Variants in NLGN1 observed in about 807,000 individuals in gnomAD.
NLGN1 encodes the protein neuroligin 1, also known as neuroligin-1.
A neutral mutation model predicts 65.5 loss-of-function variants in NLGN1; 12 were observed. The observed-to-expected ratio is 0.18, with a 90% CI of 0.12 to 0.30. NLGN1 has a LOEUF of 0.30. Among genes scored for constraint, NLGN1 ranks in the 10% least tolerant of loss-of-function variants. The probability of loss-of-function intolerance (pLI) is 1.00; values close to 1 mark genes in which losing one functional copy is unlikely to be tolerated. For synonymous variants in NLGN1, 350 were observed against 359.5 expected (o/e 0.97, Z 0.30); for missense variants, 750 against 1,007.1 (o/e 0.74, Z 3.46).
chr3:173,651,088 C>T (rs1395159993), intron 3 of NLGN1, among the ~76,000 whole-genome samples: 1 of 151,938 alleles, frequency 6.6e-6, no homozygotes, highest in African/African-American at 2.4e-5. Flanking sequence ...GTCTCCCACC[C>T]TCCTACCCCT....
chr3:173,584,624 C>T (rs1415844903), intron 2 of NLGN1: 1 of 151,624 alleles, frequency 6.6e-6, no homozygotes, highest in South Asian at 2.1e-4. Context: ...CTGATTGCAG[C>T]CGAAAGAAGT....
At chr3:173,664,430 T>A (rs1018043566) in intron 3 of NLGN1, among the ~76,000 whole-genome samples, 2 of 152,086 alleles carry the variant, frequency 1.3e-5, no homozygotes, top group African/African-American at 4.8e-5. Flanking sequence ...CAAAATCACT[T>A]TATTGTGCAT....
chr3:173,864,532 A>G (rs549025734), intron 4 of NLGN1, among the ~76,000 whole-genome samples: 2 of 152,336 alleles, frequency 1.3e-5, no homozygotes, highest in African/African-American at 4.8e-5. Context: ...TTAACACAGT[A>G]ATAAAACATA....
chr3:173,878,444 A>G (rs1412699267), intron 4 of NLGN1, among the ~76,000 whole-genome samples: 2 of 152,112 alleles, frequency 1.3e-5, no homozygotes, highest in African/African-American at 4.8e-5. Context: ...TATTTTTAAT[A>G]TGAAAAAATT....
intron 2 of NLGN1, among the ~76,000 whole-genome samples, chr3:173,565,090 G>A (rs1277808479): frequency 1.3e-5 from 2 of 152,134 alleles, no homozygotes; most frequent in African/African-American, 4.8e-5. Context: ...CAAGGAGTAC[G>A]GGGCAAAGTT....
At chr3:173,698,414 C>A (rs576801906) in intron 3 of NLGN1, among the ~76,000 whole-genome samples, 2 of 152,182 alleles carry the variant, frequency 1.3e-5, no homozygotes, top group African/African-American at 2.4e-5. Flanking sequence ...ACCACCTAAA[C>A]CATTTCATTA....
chr3:174,018,094 C>G (rs979450519), intron 4 of NLGN1, among the ~76,000 whole-genome samples: 2 of 152,090 alleles, frequency 1.3e-5, no homozygotes, highest in African/African-American at 2.4e-5. Flanking sequence ...AGGGATGTCC[C>G]TTGCTGAGAA....
chr3:173,484,331 A>G (rs1315085659), intron 2 of NLGN1, among the ~76,000 whole-genome samples: 1 of 152,128 alleles, frequency 6.6e-6, no homozygotes, highest in Non-Finnish European at 1.5e-5. Context: ...ACATTTTAGG[A>G]AAAAATATCT....
At chr3:174,269,143 GT>G (rs1311617388) in intron 4 of NLGN1, among the ~76,000 whole-genome samples, 2 of 151,766 alleles carry the variant, frequency 1.3e-5, no homozygotes, top group Non-Finnish European at 2.9e-5. Flanking sequence ...AACACAAGTT[GT>G]CCAATTTGGA....
intron 4 of NLGN1, among the ~76,000 whole-genome samples, chr3:173,851,261 G>C (rs1294882060): frequency 3.9e-5 from 6 of 152,000 alleles, no homozygotes; most frequent in African/African-American, 1.5e-4. Context: ...CTTCTGTAAT[G>C]AAAGTATAAA....
intron 4 of NLGN1, among the ~76,000 whole-genome samples, chr3:173,841,153 A>G (rs1724707915): frequency 1.3e-5 from 2 of 151,686 alleles, no homozygotes; most frequent in Non-Finnish European, 2.9e-5. Flanking sequence ...ATAGTTATAT[A>G]TATATATATC....
At chr3:174,073,765 C>T (rs1740370872) in intron 4 of NLGN1, among the ~76,000 whole-genome samples, 1 of 152,164 alleles carries the variant, frequency 6.6e-6, no homozygotes, top group Non-Finnish European at 1.5e-5. Context: ...TTACCTGAAT[C>T]ATATGTCTGA....
chr3:173,726,211 C>G (rs988498578), intron 3 of NLGN1, among the ~76,000 whole-genome samples: 2 of 151,588 alleles, frequency 1.3e-5, no homozygotes, highest in South Asian at 2.1e-4. Flanking sequence ...CTGCTTGTCT[C>G]CTTCTTATCC....
rs536467653 is a variant in NLGN1 at position 174,275,246 on chromosome 3, G to GTGTT, written c.647-67_647-64dup. ...ACCTTGATTAATACAGGCTTCATTT[G>GTGTT]TGTTTAAATTTGATGTCTATTTGAT... On this transcript the variant is annotated intron_variant, in intron 4 of 6. Coordinates refer to ENST00000457714, the Ensembl canonical transcript of NLGN1. 2.3e-4 allele frequency: 268 copies of GTGTT among 1,141,344 alleles called. 1 individual carries two copies. Among genetic ancestry groups the GTGTT allele is most frequent in the South Asian group, 1.1e-3 (88 of 77,056 alleles). 70.7% of individuals were successfully genotyped at this position (1,141,344 alleles called of 1,614,324 possible).
intron 4 of NLGN1, among the ~76,000 whole-genome samples, chr3:173,832,976 A>G (rs1305398223): frequency 2.0e-5 from 3 of 152,222 alleles, no homozygotes; most frequent in Non-Finnish European, 2.9e-5. Flanking sequence ...CGGGATGCAG[A>G]GTATTGCATA....
At chr3:174,212,143 G>C (rs916057230) in intron 4 of NLGN1, among the ~76,000 whole-genome samples, 3 of 152,232 alleles carry the variant, frequency 2.0e-5, no homozygotes, top group Admixed American at 1.3e-4. Flanking sequence ...GGCCCGGTGA[G>C]AAATGGAGCA....
At chr3:174,044,242 C>T (rs1374278640) in intron 4 of NLGN1, among the ~76,000 whole-genome samples, 1 of 152,206 alleles carries the variant, frequency 6.6e-6, no homozygotes, top group Non-Finnish European at 1.5e-5. Context: ...AGGTCTCTGA[C>T]ATGCCCCGGA....
At chr3:173,668,204 A>C (rs1761975300) in intron 3 of NLGN1, among the ~76,000 whole-genome samples, 1 of 152,126 alleles carries the variant, frequency 6.6e-6, no homozygotes. Context: ...CCTTAGGGAG[A>C]ATCTAACTAG....
chr3:174,256,897 G>T (rs1018231191), intron 4 of NLGN1, among the ~76,000 whole-genome samples: 3 of 151,962 alleles, frequency 2.0e-5, no homozygotes, highest in Admixed American at 2.0e-4. Flanking sequence ...CTAAAAAAGC[G>T]AAAATTGACA....
Sources: allele counts gnomAD v4.1 joint callset (sites outside exome capture counted in the v4.1 genomes callset), GRCh38; gene constraint gnomAD v4.1.1; transcripts MANE v1.5; gene names NCBI Gene and HGNC (gene_info 2026-07-23, HGNC 2026-07-21).